The following RFC2 variants were observed in gnomAD, a reference collection of about 807,000 sequenced individuals.
RFC2 encodes the protein A1 40 kDa subunit.
RFC2 carries 34 observed loss-of-function variants against 44.8 expected under a neutral mutation model. That is an observed-to-expected ratio of 0.76 (90% CI 0.58 to 1.01). RFC2 has a LOEUF of 1.01. RFC2 is among the 50% of genes least tolerant of loss of function. The pLI is 0.00. For synonymous variants in RFC2, 177 were observed against 168.9 expected, an observed-to-expected ratio of 1.05 and a Z score of -0.37; for missense variants, 400 against 453.6, an observed-to-expected ratio of 0.88 and a Z score of 1.07.
intron 8 of RFC2, among the ~76,000 whole-genome samples, chr7:74,237,759 G>T (rs1803105663): frequency 6.6e-6 from 1 of 152,184 alleles, no homozygotes; most frequent in Admixed American, 6.6e-5. Flanking sequence ...TGGGGGGTCA[G>T]TTGCCCAGAA....
intron 4 of RFC2, 42 bp from the exon 5 acceptor site, chr7:74,246,805 A>G (rs375164910): frequency 2.1e-5 from 28 of 1,324,598 alleles, no homozygotes; most frequent in Non-Finnish European, 3.0e-5. Flanking sequence ...TCTGAGACCA[A>G]TTCAGTTGCC....
chr7:74,236,382 G>A (rs1460310867), intron 9 of RFC2, among the ~76,000 whole-genome samples: 1 of 152,180 alleles, frequency 6.6e-6, no homozygotes, highest in Non-Finnish European at 1.5e-5. Context: ...CACATTGGGT[G>A]GAACTATGCC....
intron 6 of RFC2, among the ~76,000 whole-genome samples, chr7:74,240,771 C>T (rs3135678): frequency 0.032 from 4,799 of 152,254 alleles, 244 homozygotes; most frequent in African/African-American, 0.11. Flanking sequence ...CATGACAATT[C>T]AATCTGAATG....
Position 74,235,606 on chromosome 7 carries a change from C to T in RFC2, c.880G>A (p.Asp294Asn). The T allele has an allele frequency of 6.2e-7, 1 of 1,613,852 alleles. No homozygotes were observed. Among genetic ancestry groups the T allele is most frequent in the Non-Finnish European group, 8.5e-7 (1 of 1,179,768 alleles). The change falls in exon 10 of 11, where the codon GAT (aspartate) becomes AAT (asparagine). Residue 294 changes from aspartate to asparagine, a missense_variant. Physicochemically the swap from Asp to Asn is conservative, Grantham distance 23 (BLOSUM62 1). Coordinates refer to ENST00000055077, the MANE Select transcript of RFC2 (RefSeq NM_181471.3). The stretch of plus-strand genomic sequence containing the variant: ...ACTCGAAAGATGTTGCCAATGATAT[C>T]TTCTGGTGAGTAGCCCAGATGCCAC... Reference protein sequence around the residue: ...HLWHLGYSPEDIIGNIFRVCK... With the variant: ...HLWHLGYSPENIIGNIFRVCK...
At chr7:74,233,922 T>C (rs781784620) in intron 10 of RFC2, 1 of 455,766 alleles carries the variant, frequency 2.2e-6, no homozygotes, top group South Asian at 1.5e-5. Flanking sequence ...ACACTTATCA[T>C]TTTCCCAGGC....
intron 7 of RFC2, among the ~76,000 whole-genome samples, 182 bp from the exon 8 acceptor site, chr7:74,239,170 C>CTTTTTT (rs34664628): frequency 3.7e-5 from 4 of 107,974 alleles, no homozygotes; most frequent in Non-Finnish European, 7.2e-5. Context: ...CCAAGGGTGA[C>CTTTTTT]TTTTTTTTTT....
At chr7:74,233,838 G>A (rs1056851285) in intron 10 of RFC2, 11 of 456,482 alleles carry the variant, frequency 2.4e-5, no homozygotes, top group African/African-American at 1.2e-4. Context: ...AGGATCCTCC[G>A]GAATGCTGGT....
At chr7:74,232,907 A>T (rs1179353049) in intron 10 of RFC2, among the ~76,000 whole-genome samples, 1 of 151,186 alleles carries the variant, frequency 6.6e-6, no homozygotes, top group Non-Finnish European at 1.5e-5. Context: ...AAATCAAACA[A>T]CCCAATTAAA....
chr7:74,249,973 G>GAGAC lies in RFC2; in HGVS notation c.184-197_184-194dup, dbSNP rs1413490783. ...CTGAGGCCAGCCTGGGCAACACAGT[G>GAGAC]AGACTCTGTCTCCTCAAAAAATAAA... On this transcript the variant is annotated intron_variant, in intron 2 of 10. Transcript: ENST00000055077. 4.9e-6 allele frequency: 3 copies of GAGAC among 614,196 alleles called. No individual in the cohort carries two copies. In the African/African-American group the frequency reaches 5.5e-5, roughly 11 times the overall value. The allele number at this position is 614,196 out of a possible 1,614,324, so 38.0% of individuals were successfully genotyped here.
intron 7 of RFC2, 152 bp from the exon 8 acceptor site, chr7:74,239,140 G>C: frequency 1.6e-6 from 1 of 617,704 alleles, no homozygotes; most frequent in African/African-American, 1.9e-5. Context: ...GGGATTACAG[G>C]CATGAGCCAC....
chr7:74,234,207 T>C (rs782497498), intron 10 of RFC2, among the ~76,000 whole-genome samples: 6 of 152,174 alleles, frequency 3.9e-5, no homozygotes, highest in Non-Finnish European at 7.3e-5. Flanking sequence ...GAAGCCAAAC[T>C]CACAAGGCTA....
At chr7:74,234,607 G>C (rs1370573595) in intron 10 of RFC2, among the ~76,000 whole-genome samples, 10 of 151,874 alleles carry the variant, frequency 6.6e-5, no homozygotes, top group Non-Finnish European at 1.5e-4. Flanking sequence ...TTGGAATTTG[G>C]TCCCCAATGT....
intron 10 of RFC2, among the ~76,000 whole-genome samples, chr7:74,233,489 G>A (rs938357678): frequency 2.6e-5 from 4 of 151,688 alleles, no homozygotes; most frequent in Non-Finnish European, 5.9e-5. Flanking sequence ...GATGGCAAAC[G>A]AGCACATGAT....
chr7:74,250,546 C>T (rs1236767834), intron 2 of RFC2, among the ~76,000 whole-genome samples: 1 of 152,156 alleles, frequency 6.6e-6, no homozygotes, highest in African/African-American at 2.4e-5. Flanking sequence ...AGGTTGCCAT[C>T]ATCTTGGTTT....
chr7:74,246,815 C>A, intron 4 of RFC2, 52 bp from the exon 5 acceptor site: 1 of 1,249,134 alleles, frequency 8.0e-7, no homozygotes, highest in South Asian at 1.2e-5. Flanking sequence ...ATTCAGTTGC[C>A]TTCACAAGGA....
chr7:74,243,333 C>T, intron 5 of RFC2, 87 bp from the exon 6 acceptor site: 1 of 863,276 alleles, frequency 1.2e-6, no homozygotes, highest in Non-Finnish European at 2.0e-6. Flanking sequence ...GGACATAAGA[C>T]ACATCCAATG....
At chr7:74,249,486 A>C (rs1427817776) in intron 3 of RFC2, among the ~76,000 whole-genome samples, 1 of 152,086 alleles carries the variant, frequency 6.6e-6, no homozygotes, top group African/African-American at 2.4e-5. Context: ...GGTTGCGGTG[A>C]GCAGAGATTG....
At chr7:74,241,876 C>G (rs1803346431) in intron 6 of RFC2, among the ~76,000 whole-genome samples, 1 of 152,204 alleles carries the variant, frequency 6.6e-6, no homozygotes, top group Non-Finnish European at 1.5e-5. Flanking sequence ...AGGAAAATCA[C>G]TTGAATCCAG....
chr7:74,237,102 T>A (rs890438512), intron 9 of RFC2, among the ~76,000 whole-genome samples: 2 of 151,698 alleles, frequency 1.3e-5, no homozygotes, highest in African/African-American at 4.8e-5. Context: ...GATTAACACA[T>A]AGCATGATAT....
Sources: allele counts gnomAD v4.1 joint callset (sites outside exome capture counted in the v4.1 genomes callset), GRCh38; gene constraint gnomAD v4.1.1; transcripts MANE v1.5; gene names NCBI Gene and HGNC (gene_info 2026-07-23, HGNC 2026-07-21).